The following AGO2 variants were observed in gnomAD, a reference collection of about 807,000 sequenced individuals.
AGO2 encodes the protein protein argonaute-2.
In AGO2, 5 loss-of-function variants were observed where a neutral mutation model predicts 102.3. That is an observed-to-expected ratio of 0.05 (90% CI 0.03 to 0.10). The LOEUF (loss-of-function observed/expected upper bound fraction) is 0.10, where lower values mean the gene tolerates loss of function less well. Ranked by LOEUF, AGO2 falls within the 10% of genes least tolerant of loss-of-function variation. The pLI, the probability that AGO2 is intolerant of heterozygous loss-of-function variation, is 1.00. For synonymous variants in AGO2, 449 were observed against 473.1 expected, an observed-to-expected ratio of 0.95 and a Z score of 0.66; for missense variants, 541 against 1,183.7, an observed-to-expected ratio of 0.46 and a Z score of 7.97.
At chr8:140,558,641 A>T in intron 6 of AGO2, 69 bp from the exon 7 acceptor site, 1 of 1,519,646 alleles carries the variant, frequency 6.6e-7, no homozygotes, top group Non-Finnish European at 9.1e-7. Flanking sequence ...CACTTGCGAG[A>T]ATCAGTTTTC....
intron 1 of AGO2, among the ~76,000 whole-genome samples, chr8:140,618,861 T>C (rs2074178076): frequency 6.6e-6 from 1 of 151,912 alleles, no homozygotes; most frequent in Non-Finnish European, 1.5e-5. Flanking sequence ...GTGAGTAATA[T>C]TACAGGTGGT....
chr8:140,555,346 G>A (rs562679583), intron 10 of AGO2: 2 of 153,338 alleles, frequency 1.3e-5, no homozygotes, highest in South Asian at 2.0e-4. Context: ...GTTAAGGGCT[G>A]GACACAGTGG....
At chr8:140,609,467 C>G (rs1024490121) in intron 1 of AGO2, among the ~76,000 whole-genome samples, 4 of 152,224 alleles carry the variant, frequency 2.6e-5, no homozygotes, top group African/African-American at 9.6e-5. Context: ...CAGGTCGGCA[C>G]GGCGGCCCGC....
intron 1 of AGO2, among the ~76,000 whole-genome samples, chr8:140,629,147 C>T (rs1191562598): frequency 1.3e-5 from 2 of 151,920 alleles, no homozygotes; most frequent in South Asian, 2.1e-4. Context: ...ATAATAAACG[C>T]GCGACTCTGG....
intron 1 of AGO2, among the ~76,000 whole-genome samples, chr8:140,624,077 C>G (rs185596256): frequency 6.6e-6 from 1 of 151,928 alleles, no homozygotes; most frequent in African/African-American, 2.4e-5. Context: ...CGCGATGGAC[C>G]GTCCCCTCCT....
intron 1 of AGO2, among the ~76,000 whole-genome samples, chr8:140,604,670 CA>C (rs1354713698): frequency 1.3e-5 from 2 of 151,804 alleles, no homozygotes; most frequent in African/African-American, 4.8e-5. Context: ...ACTAAAAATA[CA>C]AAAAAGTTAG....
the AGO2 span, among the ~76,000 whole-genome samples, chr8:140,642,211 GAC>G: frequency 2.4e-3 from 369 of 152,286 alleles, 1 homozygote; most frequent in African/African-American, 8.6e-3. Context: ...ACGCTGGGGA[GAC>G]AGGGAGCGGC....
At chr8:140,534,791 CG>C (rs2072666171) in intron 17 of AGO2, among the ~76,000 whole-genome samples, 1 of 152,226 alleles carries the variant, frequency 6.6e-6, no homozygotes, top group South Asian at 2.1e-4. Flanking sequence ...CAGGCAGGGA[CG>C]GCACGTGACT....
At chr8:140,605,160 T>C (rs549568165) in intron 1 of AGO2, among the ~76,000 whole-genome samples, 77 of 152,278 alleles carry the variant, frequency 5.1e-4, no homozygotes, top group Admixed American at 2.1e-3. Context: ...CAGTGTACAA[T>C]CTCAGCTGCC....
At chr8:140,576,616 C>T (rs2073467669) in intron 2 of AGO2, among the ~76,000 whole-genome samples, 1 of 152,088 alleles carries the variant, frequency 6.6e-6, no homozygotes, top group Non-Finnish European at 1.5e-5. Flanking sequence ...GGTAACAATA[C>T]CAAGAGCTGG....
At chr8:140,550,055 A>G (rs1320376366) in intron 11 of AGO2, among the ~76,000 whole-genome samples, 2 of 152,218 alleles carry the variant, frequency 1.3e-5, no homozygotes, top group Non-Finnish European at 2.9e-5. Flanking sequence ...AAGTGAAGGA[A>G]GGGGCCAAGG....
At chr8:140,582,345 A>C (rs1356986690) in intron 2 of AGO2, among the ~76,000 whole-genome samples, 2 of 152,216 alleles carry the variant, frequency 1.3e-5, no homozygotes, top group Non-Finnish European at 1.5e-5. Flanking sequence ...CCAAAATCTG[A>C]AACTTTATGA....
chr8:140,561,302 C>G (rs567287917), intron 4 of AGO2, among the ~76,000 whole-genome samples: 1 of 152,374 alleles, frequency 6.6e-6, no homozygotes, highest in Admixed American at 6.5e-5. Context: ...CTGCGCTGAT[C>G]TAATCACCTA....
chr8:140,604,516 C>A (rs2073968993), intron 1 of AGO2, among the ~76,000 whole-genome samples: 1 of 151,912 alleles, frequency 6.6e-6, no homozygotes, highest in African/African-American at 2.4e-5. Flanking sequence ...CATGGTGAAA[C>A]CTCATCTCTA....
In AGO2 at chr8:140,532,504, G is replaced by A. The variant is rs2072615629; in HGVS notation, c.2383C>T (p.Arg795Cys). The change falls in exon 18 of 19, where the codon CGC becomes TGC. Residue 795 changes from arginine (R) to cysteine (C), a missense_variant. Arg to Cys is a radical substitution (Grantham distance 180). Transcript: ENST00000220592. ...QLCHTYVRCT[R>C]SVSIPAPAYY... ...GCTGGCGCTGGGATGGACACGGAGC[G>A]TGTGCAGCGCACGTAGGTGTGACAC... 2 of 1,614,172 alleles carry A rather than the reference G, an allele frequency of 1.2e-6. No homozygotes were observed. The highest frequency in any genetic ancestry group is 1.3e-5 in the African/African-American group (1 of 74,964).
At chr8:140,570,389 C>T (rs2073359638) in intron 3 of AGO2, among the ~76,000 whole-genome samples, 1 of 142,658 alleles carries the variant, frequency 7.0e-6, no homozygotes, top group Admixed American at 7.8e-5. Context: ...CTATGCTTGG[C>T]TATTTTTTTT....
At chr8:140,638,653 C>A (rs1223044670), upstream of AGO2, among the ~76,000 whole-genome samples, 1 of 152,226 alleles carries the variant, frequency 6.6e-6, no homozygotes, top group Non-Finnish European at 1.5e-5. Flanking sequence ...CAGCTCATTG[C>A]AGCCTTGACT....
upstream of AGO2, among the ~76,000 whole-genome samples, chr8:140,640,526 C>T (rs915589734): frequency 2.7e-5 from 4 of 148,452 alleles, no homozygotes; most frequent in African/African-American, 7.4e-5. Flanking sequence ...GCTGGTGTTT[C>T]TTTTTTTTTT....
rs181353307 is a variant in AGO2 at position 140,522,372 on chromosome 8, T to C, written c.*9672A>G. The C allele has an allele frequency of 2.6e-4, 40 of 152,174 alleles. 1 individual carries two copies. The East Asian group carries it at 6.6e-3, about 25-fold the overall frequency. The allele number at this position is 152,174 out of a possible 1,614,324, so 9.4% of individuals were successfully genotyped here. On this transcript the variant is annotated 3_prime_UTR_variant, in exon 19 of 19. Coordinates refer to ENST00000220592, the MANE Select transcript of AGO2 (RefSeq NM_012154.5). ...CCCCTCCATTTTATCTCTAAATTTA[T>C]GATACTTTTATAAAAACAAAAATCC... is the stretch of plus-strand genomic sequence containing the variant.
Sources: allele counts gnomAD v4.1 joint callset (sites outside exome capture counted in the v4.1 genomes callset), GRCh38; gene constraint gnomAD v4.1.1; transcripts MANE v1.5; gene names NCBI Gene and HGNC (gene_info 2026-07-23, HGNC 2026-07-21).